Variants in ADGRV1 observed in about 807,000 individuals in gnomAD.
The protein encoded by ADGRV1 is adhesion G protein-coupled receptor V1.
A neutral mutation model predicts 596.2 loss-of-function variants in ADGRV1; 359 were observed. That is an observed-to-expected ratio of 0.60 (90% confidence interval 0.55 to 0.66). The LOEUF (loss-of-function observed/expected upper bound fraction) is 0.66, where lower values mean the gene tolerates loss of function less well. Among genes scored for constraint, ADGRV1 ranks in the 30% least tolerant of loss-of-function variants. ADGRV1 has a pLI of 0.00. For synonymous variants in ADGRV1, 2,681 were observed against 2,679.2 expected (o/e 1.00, Z -0.02); for missense variants, 7,274 against 7,575.6 (o/e 0.96, Z 1.48).
chr5:91,125,549 A>G (rs1034186730), intron 87 of ADGRV1, among the ~76,000 whole-genome samples: 1 of 152,222 alleles, frequency 6.6e-6, no homozygotes, highest in African/African-American at 2.4e-5. Flanking sequence ...ACTTGGAATC[A>G]GACAGGCCTA....
rs1562121979 is a variant in ADGRV1 at position 91,035,868 on chromosome 5, T to TATATATATAATATATATAATATATATATA, written c.18153-36570_18153-36569insATATATATAATATATATATAATATATATA. ...TGTATATATATATATATATTATATA[T>TATATATATAATATATATAATATATATATA]ATATATATATATATCTTACAACAAT... On this transcript the variant is annotated intron_variant, in intron 85 of 89. Transcript: ENST00000405460. 1.3e-4 allele frequency among the ~76,000 whole-genome samples: 16 copies of TATATATATAATATATATAATATATATATA among 121,566 alleles called. No homozygotes were observed. The East Asian group carries it at 1.7e-3, about 13-fold the overall frequency. 79.8% of individuals were successfully genotyped at this position (121,566 alleles called of 152,430 possible).
intron 85 of ADGRV1, among the ~76,000 whole-genome samples, chr5:91,061,540 T>C (rs1346146344): frequency 4.6e-5 from 7 of 152,230 alleles, no homozygotes; most frequent in Admixed American, 4.6e-4. Context: ...TATTTTAATG[T>C]AGCCAGTATA....
At chr5:90,648,436 A>G (rs2149449402) in intron 17 of ADGRV1, among the ~76,000 whole-genome samples, 1 of 152,292 alleles carries the variant, frequency 6.6e-6, no homozygotes, top group Middle Eastern at 3.4e-3. Context: ...AGAGTAAGGT[A>G]AAGACATGAT....
chr5:90,810,295 G>A lies in ADGRV1; in HGVS notation c.15035G>A (p.Arg5012Lys). 1 of 1,605,176 alleles carries A rather than the reference G, an allele frequency of 6.2e-7. No individual in the cohort carries two copies. The highest frequency in any genetic ancestry group is 1.7e-4 in the Middle Eastern group (1 of 6,050). The change falls in exon 74 of 90, where the codon AGA becomes AAA. Residue 5012 changes from arginine (R) to lysine (K), a missense_variant. Physicochemically the swap from Arg to Lys is conservative, Grantham distance 26. Coordinates refer to ENST00000405460, the MANE Select transcript of ADGRV1 (RefSeq NM_032119.4). Reference protein sequence around the residue: ...MGVFQFSTSSRNIIVSEDTQM... With the variant: ...MGVFQFSTSSKNIIVSEDTQM... ...GTCTTCCAATTTTCCACTAGCTCAAGAAATATCATAGTGTCAGAAGATACA... is the reference window on the plus strand; with the variant it reads ...GTCTTCCAATTTTCCACTAGCTCAAAAAATATCATAGTGTCAGAAGATACA...
chr5:90,652,334 T>C lies in ADGRV1; in HGVS notation c.3417-12T>C. The C allele has an allele frequency of 1.3e-6, 2 of 1,551,756 alleles. No homozygotes were observed. The highest frequency in any genetic ancestry group is 1.7e-6 in the Non-Finnish European group (2 of 1,149,708). Reference sequence around the variant, plus strand: ...TTCACTACTTATAAATTTTCTTTAATTTATTTTGTAGGATTTTGAGGCACC... The same window carrying C: ...TTCACTACTTATAAATTTTCTTTAACTTATTTTGTAGGATTTTGAGGCACC... On this transcript the variant is annotated splice_polypyrimidine_tract_variant and intron_variant, in intron 18 of 89. Coordinates refer to ENST00000405460, the MANE Select transcript of ADGRV1 (RefSeq NM_032119.4).
intron 29 of ADGRV1, among the ~76,000 whole-genome samples, chr5:90,688,906 G>T (rs1371345330): frequency 1.3e-5 from 2 of 152,134 alleles, no homozygotes; most frequent in Non-Finnish European, 2.9e-5. Context: ...TTATTTATTT[G>T]TGAAGAGCAA....
At chr5:91,014,986 G>C (rs1400940052) in intron 85 of ADGRV1, among the ~76,000 whole-genome samples, 1 of 151,894 alleles carries the variant, frequency 6.6e-6, no homozygotes, top group Non-Finnish European at 1.5e-5. Flanking sequence ...ATTAATTTGA[G>C]ATCTATCTAA....
chr5:90,725,413 C>T, intron 47 of ADGRV1, 136 bp from the exon 48 acceptor site: 1 of 688,892 alleles, frequency 1.5e-6, no homozygotes, highest in East Asian at 2.8e-5. Flanking sequence ...TTTAAAATGA[C>T]ACTTAGTTAT....
intron 86 of ADGRV1, among the ~76,000 whole-genome samples, chr5:91,094,285 C>T (rs1177862514): frequency 6.6e-6 from 1 of 151,894 alleles, no homozygotes; most frequent in Non-Finnish European, 1.5e-5. Flanking sequence ...ATGATAAAAC[C>T]CCATCTCTAC....
At chr5:90,758,397 C>T (rs757489027) in intron 57 of ADGRV1, among the ~76,000 whole-genome samples, 5 of 152,138 alleles carry the variant, frequency 3.3e-5, no homozygotes, top group African/African-American at 4.8e-5. Context: ...AAAGCAGAAA[C>T]AAATACATTG....
At chr5:91,007,063 A>G (rs1182835677) in intron 85 of ADGRV1, among the ~76,000 whole-genome samples, 1 of 152,224 alleles carries the variant, frequency 6.6e-6, no homozygotes. Flanking sequence ...AATATACCCA[A>G]TGCAAGAGCG....
At chr5:90,665,444 G>A (rs2149506920) in intron 21 of ADGRV1, among the ~76,000 whole-genome samples, 1 of 152,094 alleles carries the variant, frequency 6.6e-6, no homozygotes. Context: ...GTATTTCTGT[G>A]GGATCAGTGG....
At chr5:90,953,337 A>G (rs7709513) in intron 83 of ADGRV1, among the ~76,000 whole-genome samples, 16,830 of 152,202 alleles carry the variant, frequency 0.11, 1,394 homozygotes, top group East Asian at 0.25. Flanking sequence ...ACCTATCTGT[A>G]GAAATCACAG....
chr5:90,738,653 G>A (rs1753563881), intron 50 of ADGRV1, among the ~76,000 whole-genome samples: 1 of 152,020 alleles, frequency 6.6e-6, no homozygotes, highest in Non-Finnish European at 1.5e-5. Flanking sequence ...TGGTCTGCAG[G>A]GTTTCTGCTG....
At chr5:91,051,053 T>C (rs1581902754) in intron 85 of ADGRV1, among the ~76,000 whole-genome samples, 1 of 152,360 alleles carries the variant, frequency 6.6e-6, no homozygotes, top group South Asian at 2.1e-4. Context: ...GCTTGTCTTA[T>C]GGATTTCTTG....
chr5:90,950,707 G>A (rs1179737099), intron 83 of ADGRV1, among the ~76,000 whole-genome samples: 1 of 152,162 alleles, frequency 6.6e-6, no homozygotes, highest in Non-Finnish European at 1.5e-5. Context: ...AAAATTTTGA[G>A]TAACTTAAAC....
Position 91,150,017 on chromosome 5 carries a change from T to TC in ADGRV1, c.18433-13_18433-12insC, listed in dbSNP as rs1300819214. On this transcript the variant is annotated splice_polypyrimidine_tract_variant and intron_variant, in intron 87 of 89. Transcript: ENST00000405460. ...TCTTTTTCTTTTCTTTTCTTTTTTTTTTTTTTTTGCAGGGACTTTATGTTT... is the reference window on the plus strand; with the variant it reads ...TCTTTTTCTTTTCTTTTCTTTTTTTTCTTTTTTTTGCAGGGACTTTATGTTT... 4.5e-5 allele frequency: 68 copies of TC among 1,502,312 alleles called. No individual in the cohort carries two copies. The highest frequency in any genetic ancestry group is 2.5e-4 in the East Asian group (10 of 40,302). The allele number at this position is 1,502,312 out of a possible 1,614,324, so 93.1% of individuals were successfully genotyped here.
intron 75 of ADGRV1, among the ~76,000 whole-genome samples, chr5:90,818,759 T>A (rs1352021323): frequency 4.0e-5 from 6 of 151,774 alleles, no homozygotes; most frequent in Admixed American, 1.3e-4. Context: ...ATCCCAGGGA[T>A]GAAGCCCACT....
chr5:91,118,110 G>A (rs1408753526), intron 87 of ADGRV1, among the ~76,000 whole-genome samples: 1 of 152,102 alleles, frequency 6.6e-6, no homozygotes, highest in Non-Finnish European at 1.5e-5. Flanking sequence ...GTGGTCCTTA[G>A]CCAGGCTGTA....
Sources: allele counts gnomAD v4.1 joint callset (sites outside exome capture counted in the v4.1 genomes callset), GRCh38; gene constraint gnomAD v4.1.1; transcripts MANE v1.5; gene names NCBI Gene and HGNC (gene_info 2026-07-23, HGNC 2026-07-21).